Variants in C2CD3 observed in about 807,000 individuals in gnomAD.
C2CD3 encodes the protein C2 domain-containing protein 3.
In C2CD3, 148 loss-of-function variants were observed where a neutral mutation model predicts 234.0. The ratio of observed to expected loss-of-function variants is 0.63; its 90% CI spans 0.55 to 0.72. The LOEUF is 0.72. Among genes scored for constraint, C2CD3 ranks in the 30% least tolerant of loss-of-function variants. The probability of loss-of-function intolerance (pLI) is 0.00; values close to 1 mark genes in which losing one functional copy is unlikely to be tolerated. For synonymous variants in C2CD3, 1,000 were observed against 1,035.4 expected (o/e 0.97, Z 0.66); for missense variants, 2,577 against 2,811.5 (o/e 0.92, Z 1.89).
In C2CD3 at chr11:74,137,461, T is replaced by C. The variant is rs572518889; in HGVS notation, c.955+1259A>G. Among the ~76,000 whole-genome samples, 6 of 151,960 alleles carry C rather than the reference T, an allele frequency of 3.9e-5. No homozygotes were observed. In the East Asian group the frequency reaches 7.7e-4, roughly 20 times the overall value. On this transcript the variant is annotated intron_variant, in intron 5 of 32. Transcript: ENST00000334126. ...AGTGAGCTGACAAGTGCTGAGTACA[T>C]TGGGTCAATTTTCCTTCTTGTTAAT... is the stretch of plus-strand genomic sequence containing the variant.
chr11:74,077,815 A>AATCTCT (rs1565263166), intron 23 of C2CD3, among the ~76,000 whole-genome samples: 1 of 31,224 alleles, frequency 3.2e-5, no homozygotes, highest in African/African-American at 1.3e-4. Flanking sequence ...ATATATATAT[A>AATCTCT]TATATATATA....
chr11:74,074,202 A>G (rs1954924957), intron 24 of C2CD3, 51 bp downstream of exon 24: 1 of 1,234,308 alleles, frequency 8.1e-7, no homozygotes, highest in African/African-American at 1.5e-5. Context: ...TGAAGAAAGG[A>G]GCACACCCTG....
At chr11:74,125,783 C>A (rs530842500) in intron 7 of C2CD3, among the ~76,000 whole-genome samples, 6 of 152,254 alleles carry the variant, frequency 3.9e-5, no homozygotes, top group Non-Finnish European at 7.4e-5. Flanking sequence ...TACTACTTTA[C>A]GAGTGAACTC....
rs1050452647 is a variant in C2CD3 at position 74,020,089 on chromosome 11, C to T, written c.6922-6564G>A. On this transcript the variant is annotated intron_variant, in intron 32 of 32. Transcript: ENST00000334126. ...TCCTTATGAATAACAGTGTCTGGCCCGATGCCTGTGGTTAATCCAGGGGCC... is the reference window on the plus strand; with the variant it reads ...TCCTTATGAATAACAGTGTCTGGCCTGATGCCTGTGGTTAATCCAGGGGCC... 7.9e-5 allele frequency among the ~76,000 whole-genome samples: 12 copies of T among 152,216 alleles called. No homozygotes were observed. In the South Asian group the frequency reaches 2.3e-3, roughly 29 times the overall value.
At chr11:74,126,755 A>C (rs376741682) in intron 7 of C2CD3, among the ~76,000 whole-genome samples, 1 of 152,212 alleles carries the variant, frequency 6.6e-6, no homozygotes, top group Non-Finnish European at 1.5e-5. Flanking sequence ...AAAAAATAAA[A>C]ATAAAAAGAC....
chr11:74,081,217 C>T (rs1478334149), intron 22 of C2CD3, among the ~76,000 whole-genome samples: 1 of 152,096 alleles, frequency 6.6e-6, no homozygotes, highest in Non-Finnish European at 1.5e-5. Flanking sequence ...GTATCCATCC[C>T]ACAAGATAAG....
At chr11:74,123,163 G>A in intron 7 of C2CD3, 28 bp from the exon 8 acceptor site, 1 of 1,578,816 alleles carries the variant, frequency 6.3e-7, no homozygotes. Flanking sequence ...CAAAGCAGAA[G>A]AATTTTAATA....
In C2CD3 at chr11:74,083,928, C is replaced by T. The variant is rs1955517367; in HGVS notation, c.4000+953G>A. Reference sequence around the variant, plus strand: ...GAAATAGAATTACCATTTGACCCAGCCATCCCATGACTGGGTATATACCCA... The same window carrying T: ...GAAATAGAATTACCATTTGACCCAGTCATCCCATGACTGGGTATATACCCA... On this transcript the variant is annotated intron_variant, in intron 22 of 32. Coordinates refer to ENST00000334126, the MANE Select transcript of C2CD3 (RefSeq NM_001286577.2). Among the ~76,000 whole-genome samples the T allele has an allele frequency of 4.6e-5, 7 of 152,256 alleles. No individual in the cohort carries two copies. In the South Asian group the frequency reaches 1.5e-3, roughly 32 times the overall value.
chr11:74,100,578 G>A lies in C2CD3; in HGVS notation c.2679C>T (p.Asp893=), dbSNP rs770374766. ...TWNKVRSPGQ[D]KLLGLVKLPL... ...GAAGTTTCACCAGCCCGAGCAGCTT[G>A]TCCTGTCCTGGGCTCCGCACCTTAT... The change falls in exon 15 of 33, where the codon GAC becomes GAT. Residue 893 remains aspartate (D), a synonymous_variant. Coordinates refer to ENST00000334126, the MANE Select transcript of C2CD3 (RefSeq NM_001286577.2). The A allele has an allele frequency of 1.9e-6, 3 of 1,614,072 alleles. No individual in the cohort carries two copies. The East Asian group carries it at 6.7e-5, about 36-fold the overall frequency.
chr11:74,119,602 C>T (rs1339336840), intron 8 of C2CD3, among the ~76,000 whole-genome samples: 1 of 150,822 alleles, frequency 6.6e-6, no homozygotes, highest in African/African-American at 2.4e-5. Flanking sequence ...TTTAAATAAG[C>T]ATGATAAGAA....
chr11:74,131,418 AAACT>A (rs1957677800), intron 7 of C2CD3, among the ~76,000 whole-genome samples: 1 of 151,962 alleles, frequency 6.6e-6, no homozygotes, highest in African/African-American at 2.4e-5. Flanking sequence ...TTCAGGTGTC[AAACT>A]AACTCTCATT....
intron 14 of C2CD3, among the ~76,000 whole-genome samples, chr11:74,101,675 TA>T (rs1176024743): frequency 1.3e-5 from 2 of 152,196 alleles, no homozygotes; most frequent in East Asian, 1.9e-4. Flanking sequence ...AAGCTCTGCT[TA>T]AGTGGTGTCA....
At chr11:74,170,115 T>A (rs932275691) in intron 1 of C2CD3, among the ~76,000 whole-genome samples, 1 of 151,512 alleles carries the variant, frequency 6.6e-6, no homozygotes, top group Non-Finnish European at 1.5e-5. Flanking sequence ...TGATGAGGAC[T>A]CTCTGCTGCA....
At chr11:74,159,386 T>C (rs953070429) in intron 3 of C2CD3, among the ~76,000 whole-genome samples, 1 of 152,148 alleles carries the variant, frequency 6.6e-6, no homozygotes, top group African/African-American at 2.4e-5. Context: ...GGCACTGTTA[T>C]CATAGGAGAT....
rs545034716 is a variant in C2CD3 at position 74,026,542 on chromosome 11, G to T, written c.6921+1745C>A. 7.1e-4 allele frequency among the ~76,000 whole-genome samples: 108 copies of T among 152,200 alleles called. 1 individual carries two copies. The highest frequency in any genetic ancestry group is 2.5e-3 in the African/African-American group (105 of 41,528). ...ACTGACCCCATTTTTCATTAATGTGGCCTCTGGGAAAGCATATAAAATGTA... is the reference window on the plus strand; with the variant it reads ...ACTGACCCCATTTTTCATTAATGTGTCCTCTGGGAAAGCATATAAAATGTA... On this transcript the variant is annotated intron_variant, in intron 32 of 32. Coordinates refer to ENST00000334126, the MANE Select transcript of C2CD3 (RefSeq NM_001286577.2).
intron 1 of C2CD3, among the ~76,000 whole-genome samples, chr11:74,170,337 T>G (rs1857090669): frequency 6.6e-6 from 1 of 152,184 alleles, no homozygotes; most frequent in Non-Finnish European, 1.5e-5. Context: ...TTCAGTAATG[T>G]ATAAAACGTG....
In C2CD3 at chr11:74,138,838, C is replaced by T. The variant is rs1957952825; in HGVS notation, c.837G>A (p.Lys279=). 1 of 1,613,956 alleles carries T rather than the reference C, an allele frequency of 6.2e-7. No homozygotes were observed. Among genetic ancestry groups the T allele is most frequent in the South Asian group, 1.1e-5 (1 of 91,090 alleles). ...SVTLKGRAPR[K]QMSLLNSSEF... ...CAGAACTGTTCAGAAGGGACATCTG[C>T]TTCCGTGGAGCTCTGCCTTTCAGAG... is the stretch of plus-strand genomic sequence containing the variant. Residue 279 remains lysine (K), a synonymous_variant, in exon 5 of 33, where the codon AAG becomes AAA. Coordinates refer to ENST00000334126, the MANE Select transcript of C2CD3 (RefSeq NM_001286577.2).
chr11:74,104,752 G>A (rs1565298948), intron 13 of C2CD3, among the ~76,000 whole-genome samples: 1 of 152,136 alleles, frequency 6.6e-6, no homozygotes, highest in Non-Finnish European at 1.5e-5. Context: ...GGTTCTTGCT[G>A]TTTCTTCGAT....
In C2CD3 at chr11:74,133,686, C is replaced by T. The variant is rs1957755187; in HGVS notation, c.956-129G>A. The T allele has an allele frequency of 1.6e-5, 14 of 884,814 alleles. No homozygotes were observed. In the East Asian group the frequency reaches 3.7e-4, roughly 23 times the overall value. 54.8% of individuals were successfully genotyped at this position (884,814 alleles called of 1,614,324 possible). A position where few individuals can be genotyped will look rare whatever the true frequency, so the allele number is the denominator to read the frequency against. On this transcript the variant is annotated intron_variant, in intron 5 of 32. Transcript: ENST00000334126. ...GTAATAGTTTGCTCATCTGCCTTCC[C>T]CATTAGCTTGAGAATTCCTTGAGGA...
Sources: allele counts gnomAD v4.1 joint callset (sites outside exome capture counted in the v4.1 genomes callset), GRCh38; gene constraint gnomAD v4.1.1; transcripts MANE v1.5; gene names NCBI Gene and HGNC (gene_info 2026-07-23, HGNC 2026-07-21).